Variants in KLHDC4 observed in about 807,000 individuals in gnomAD.
KLHDC4 encodes the protein kelch domain-containing protein 4.
KLHDC4 carries 90 observed loss-of-function variants against 62.4 expected under a neutral mutation model. That is an observed-to-expected ratio of 1.44 (90% CI 1.22 to 1.72). The LOEUF (loss-of-function observed/expected upper bound fraction) is 1.72, where lower values mean the gene tolerates loss of function less well. Ranked by LOEUF, KLHDC4 falls within the 40% of genes most tolerant of loss-of-function variation. The probability of loss-of-function intolerance (pLI) is 0.00; values close to 1 mark genes in which losing one functional copy is unlikely to be tolerated. For synonymous variants in KLHDC4, 386 were observed against 284.4 expected, an observed-to-expected ratio of 1.36 and a Z score of -3.59; for missense variants, 1,025 against 699.7, an observed-to-expected ratio of 1.47 and a Z score of -5.25.
chr16:87,748,120 T>C (rs16943234), intron 5 of KLHDC4, among the ~76,000 whole-genome samples: 32,169 of 152,144 alleles, frequency 0.21, 3,614 homozygotes, highest in South Asian at 0.31. Flanking sequence ...CATGTAGCTC[T>C]TGACTAATGG....
At chr16:87,701,380 T>G in exon 1 of KLHDC4, 1 of 323,112 alleles carries the variant, frequency 3.1e-6, no homozygotes, top group South Asian at 2.6e-5. Context: ...CCTCCCAAGC[T>G]TCAGCCCACC....
At chr16:87,711,784 T>C (rs2035892130) in intron 8 of KLHDC4, among the ~76,000 whole-genome samples, 1 of 152,156 alleles carries the variant, frequency 6.6e-6, no homozygotes. Flanking sequence ...GAGGCTGCCC[T>C]GCACAGGGAC....
intron 5 of KLHDC4, among the ~76,000 whole-genome samples, chr16:87,741,471 G>C (rs943747811): frequency 3.3e-5 from 5 of 152,184 alleles, no homozygotes; most frequent in Non-Finnish European, 5.9e-5. Context: ...CATAGATCCA[G>C]GTTGCGGAAT....
At chr16:87,705,907 TCAGA>T (rs922379651), downstream of KLHDC4, among the ~76,000 whole-genome samples, 10 of 152,310 alleles carry the variant, frequency 6.6e-5, no homozygotes, top group South Asian at 4.1e-4. Flanking sequence ...TGCCCAGCAC[TCAGA>T]CAAAGTGCCC....
rs2045938434 is a variant in KLHDC4, at chr16:87,761,825, C to A, written c.191+124G>T. Reference sequence around the variant, plus strand: ...TTCTTCAGCAGAAAGTGACCAAGAACAGGTTTTAATAATGAAAATGTCCCA... The same window carrying A: ...TTCTTCAGCAGAAAGTGACCAAGAAAAGGTTTTAATAATGAAAATGTCCCA... On this transcript the variant is annotated intron_variant, in intron 2 of 11. Coordinates refer to ENST00000270583, the MANE Select transcript of KLHDC4 (RefSeq NM_017566.4). The A allele has an allele frequency of 5.4e-6, 5 of 932,458 alleles. No individual in the cohort carries two copies. In the South Asian group the frequency reaches 7.0e-5, roughly 13 times the overall value. 57.8% of individuals were successfully genotyped at this position (932,458 alleles called of 1,614,324 possible).
chr16:87,735,842 C>T (rs1367401154), intron 5 of KLHDC4, among the ~76,000 whole-genome samples: 1 of 152,280 alleles, frequency 6.6e-6, no homozygotes, highest in Non-Finnish European at 1.5e-5. Flanking sequence ...GGATGGAGCT[C>T]CAAGCAGGGC....
intron 7 of KLHDC4, among the ~76,000 whole-genome samples, chr16:87,720,541 C>T (rs547614186): frequency 1.1e-4 from 13 of 116,700 alleles, no homozygotes; most frequent in East Asian, 6.2e-4. Context: ...CCTGCGGAGA[C>T]GCCGCGCCCC....
At chr16:87,720,713 C>A (rs1174270089) in intron 7 of KLHDC4, among the ~76,000 whole-genome samples, 1 of 152,244 alleles carries the variant, frequency 6.6e-6, no homozygotes, top group Middle Eastern at 3.2e-3. Flanking sequence ...TAAAATGACA[C>A]CCTGTCGGTT....
At chr16:87,716,758 C>T (rs556908181) in intron 7 of KLHDC4, among the ~76,000 whole-genome samples, 53 of 152,090 alleles carry the variant, frequency 3.5e-4, no homozygotes, top group African/African-American at 1.2e-3. Context: ...GATGAAACCC[C>T]ATCTCTACGA....
At chr16:87,709,150 G>C (rs1443162279) in intron 10 of KLHDC4, 115 bp downstream of exon 10, 3 of 1,323,872 alleles carry the variant, frequency 2.3e-6, no homozygotes, top group Non-Finnish European at 3.1e-6. Flanking sequence ...GCACAGGCGA[G>C]AAGTGTCGGC....
At chr16:87,704,590 C>T (rs1030267850), downstream of KLHDC4, among the ~76,000 whole-genome samples, 6 of 149,102 alleles carry the variant, frequency 4.0e-5, no homozygotes, top group African/African-American at 1.5e-4. Context: ...CTGAACGTCA[C>T]GGAGAAGGAG....
intron 6 of KLHDC4, among the ~76,000 whole-genome samples, 157 bp downstream of exon 6, chr16:87,730,395 C>T (rs1037695668): frequency 6.6e-6 from 1 of 152,224 alleles, no homozygotes; most frequent in African/African-American, 2.4e-5. Context: ...GTGTGAGGCC[C>T]TTTGGAGGGC....
chr16:87,734,869 T>G (rs74519147), intron 5 of KLHDC4, among the ~76,000 whole-genome samples: 1 of 151,824 alleles, frequency 6.6e-6, no homozygotes, highest in Non-Finnish European at 1.5e-5. Flanking sequence ...TGAGAGTCAA[T>G]TGAGAAGAAA....
chr16:87,762,090 C>G, intron 1 of KLHDC4, 50 bp from the exon 2 acceptor site: 10 of 1,601,342 alleles, frequency 6.2e-6, no homozygotes, highest in South Asian at 1.1e-5. Context: ...GGACCCGCCG[C>G]GGAGCCACAG....
At chr16:87,708,931 G>C (rs1476269230) in intron 10 of KLHDC4, among the ~76,000 whole-genome samples, 1 of 152,244 alleles carries the variant, frequency 6.6e-6, no homozygotes, top group Non-Finnish European at 1.5e-5. Context: ...AGCAAGGCTG[G>C]AGGCTCAGAC....
rs986398224 is a variant in KLHDC4 at position 87,709,296 on chromosome 16, C to T, written c.1416G>A (p.Glu472=). The change falls in exon 10 of 12, where the codon GAG becomes GAA. Residue 472 remains glutamate (E), a synonymous_variant. Coordinates refer to ENST00000270583, the MANE Select transcript of KLHDC4 (RefSeq NM_017566.4). ...CCATCTCCACCAAGGCCTTCCACGC[C>T]TCCATCCTGTGCAGGTCCAGGCAGT... is the stretch of plus-strand genomic sequence containing the variant. The part of the protein sequence containing the change: ...DLHCLDLHRM[E]AWKALVEMDP... 5.6e-6 allele frequency: 9 copies of T among 1,612,884 alleles called. No homozygotes were observed. In the African/African-American group the frequency reaches 1.2e-4, roughly 22 times the overall value.
Position 87,761,969 on chromosome 16 carries a change from CG to C in KLHDC4, c.170del (p.Pro57ArgfsTer9). The C allele has an allele frequency of 1.9e-6, 3 of 1,613,698 alleles. No individual in the cohort carries two copies. Among genetic ancestry groups the C allele is most frequent in the Non-Finnish European group, 2.5e-6 (3 of 1,179,864 alleles). ...CTCACCTTGGTGAGGGTGGGGGGCA[CG>C]GAAGTTCCACAGTCTGAGTCCTCTT... ...DAKRTQTVEL[P>X]CPPPSPRLNA... On this transcript the variant is annotated frameshift_variant, in exon 2 of 12. Coordinates refer to ENST00000270583, the MANE Select transcript of KLHDC4 (RefSeq NM_017566.4). LOFTEE classifies it high-confidence loss of function.
At chr16:87,752,012 C>T (rs962141844) in intron 4 of KLHDC4, among the ~76,000 whole-genome samples, 8 of 136,596 alleles carry the variant, frequency 5.9e-5, no homozygotes, top group African/African-American at 2.2e-4. Flanking sequence ...GAGGCATGAA[C>T]CCGGGAGGCG....
chr16:87,719,052 G>C (rs933948841), intron 7 of KLHDC4, among the ~76,000 whole-genome samples: 4 of 151,008 alleles, frequency 2.6e-5, no homozygotes, highest in Non-Finnish European at 5.9e-5. Flanking sequence ...CGGGAGGTGG[G>C]GGGCAGCCCC....
Sources: gnomAD v4.1 joint callset for allele counts (sites outside exome capture counted in the v4.1 genomes callset) on GRCh38, gnomAD v4.1.1 for gene constraint, MANE v1.5 for transcripts, NCBI Gene and HGNC (gene_info 2026-07-23, HGNC 2026-07-21) for gene names.